Variants in ROBO1 observed in about 807,000 individuals in gnomAD.
ROBO1 encodes the protein roundabout guidance receptor 1, also known as roundabout homolog 1.
Under a neutral mutation model 195.9 loss-of-function variants are expected in ROBO1, and 149 were observed. The ratio of observed to expected loss-of-function variants is 0.76; its 90% CI spans 0.67 to 0.87. The LOEUF (loss-of-function observed/expected upper bound fraction) is 0.87, where lower values mean the gene tolerates loss of function less well. Among genes scored for constraint, ROBO1 ranks in the 40% least tolerant of loss-of-function variants. The pLI is 0.00. For missense variants in ROBO1, 1,933 were observed against 2,068.3 expected (o/e 0.93, Z 1.27); for synonymous variants, 816 against 733.2 (o/e 1.11, Z -1.82).
intron 4 of ROBO1, among the ~76,000 whole-genome samples, chr3:78,755,548 T>C (rs2082908418): frequency 6.6e-6 from 1 of 152,126 alleles, no homozygotes; most frequent in Admixed American, 6.5e-5. Context: ...GGTAAAATGG[T>C]GATGGTTTTA....
intron 2 of ROBO1, among the ~76,000 whole-genome samples, chr3:79,520,095 G>T (rs530436874): frequency 4.0e-5 from 6 of 151,622 alleles, no homozygotes; most frequent in Non-Finnish European, 7.4e-5. Flanking sequence ...CCAGGGGGTC[G>T]AGGCTGCAGT....
chr3:79,651,837 T>C (rs1277428200), intron 1 of ROBO1, among the ~76,000 whole-genome samples: 1 of 152,188 alleles, frequency 6.6e-6, no homozygotes, highest in Non-Finnish European at 1.5e-5. Context: ...TCAAAGAAGA[T>C]CACTGAAAAG....
At chr3:79,372,890 T>A in intron 2 of ROBO1, among the ~76,000 whole-genome samples, 1 of 132,868 alleles carries the variant, frequency 7.5e-6, no homozygotes, top group Admixed American at 7.2e-5. Flanking sequence ...AAACTAGTAT[T>A]TTTTTTTTTA....
intron 1 of ROBO1, among the ~76,000 whole-genome samples, chr3:79,686,103 C>G (rs1437516269): frequency 6.6e-6 from 1 of 152,146 alleles, no homozygotes; most frequent in Non-Finnish European, 1.5e-5. Flanking sequence ...AGCATATAAA[C>G]AGAACCAAGG....
chr3:79,372,427 T>G (rs1292441096), intron 2 of ROBO1, among the ~76,000 whole-genome samples: 1 of 152,022 alleles, frequency 6.6e-6, no homozygotes, highest in Non-Finnish European at 1.5e-5. Flanking sequence ...ACCAGGATAG[T>G]CTCAATCTCT....
At chr3:79,156,816 C>T (rs1481183053) in intron 2 of ROBO1, among the ~76,000 whole-genome samples, 1 of 151,742 alleles carries the variant, frequency 6.6e-6, no homozygotes, top group Non-Finnish European at 1.5e-5. Flanking sequence ...GGAAAGTAAA[C>T]TATTGAGGTT....
In ROBO1 at chr3:78,906,817, CGTAA is replaced by C. The variant is rs202179751; in HGVS notation, c.499+31780_499+31783del. ...TAAAAATAACTCCATTACATGTTAA[CGTAA>C]GTAACACTTCCATGAAAAATAACTG... On this transcript the variant is annotated intron_variant, in intron 4 of 30. Transcript: ENST00000464233. Among the ~76,000 whole-genome samples the C allele has an allele frequency of 1.4e-4, 21 of 152,012 alleles. No individual in the cohort carries two copies. The East Asian group carries it at 1.7e-3, about 13-fold the overall frequency.
chr3:78,675,557 G>C (rs1001924362), intron 10 of ROBO1, among the ~76,000 whole-genome samples: 3 of 152,134 alleles, frequency 2.0e-5, no homozygotes, highest in Non-Finnish European at 4.4e-5. Flanking sequence ...ACGGAGTCTC[G>C]CTAATTGTTA....
chr3:79,315,965 A>G (rs1365658254), intron 2 of ROBO1, among the ~76,000 whole-genome samples: 2 of 152,194 alleles, frequency 1.3e-5, no homozygotes, highest in Non-Finnish European at 2.9e-5. Flanking sequence ...GGAGAAAACC[A>G]GAGTCAAGTG....
At chr3:79,611,564 T>C (rs1035957337) in intron 1 of ROBO1, among the ~76,000 whole-genome samples, 1 of 151,974 alleles carries the variant, frequency 6.6e-6, no homozygotes, top group African/African-American at 2.4e-5. Context: ...GCCATAAAAA[T>C]GGATGAGTTC....
chr3:78,660,052 C>G, intron 16 of ROBO1: 1 of 266,268 alleles, frequency 3.8e-6, no homozygotes, highest in Non-Finnish European at 7.0e-6. Context: ...CCCTGAGTAG[C>G]TGGGATTACA....
At chr3:79,406,023 C>T (rs1213212522) in intron 2 of ROBO1, among the ~76,000 whole-genome samples, 1 of 152,014 alleles carries the variant, frequency 6.6e-6, no homozygotes, top group African/African-American at 2.4e-5. Context: ...ATTTTTTCAT[C>T]TTTAAAAATT....
chr3:79,209,664 G>A (rs1011928416), intron 2 of ROBO1, among the ~76,000 whole-genome samples: 3 of 151,804 alleles, frequency 2.0e-5, no homozygotes, highest in Non-Finnish European at 4.4e-5. Flanking sequence ...TGCCAACATT[G>A]TTTTATTTTT....
chr3:78,948,188 C>T (rs948488831), intron 3 of ROBO1, among the ~76,000 whole-genome samples: 1 of 152,178 alleles, frequency 6.6e-6, no homozygotes, highest in Non-Finnish European at 1.5e-5. Context: ...CCAGCATCAT[C>T]CTGATACCAA....
At chr3:79,391,378 A>G (rs2036943613) in intron 2 of ROBO1, among the ~76,000 whole-genome samples, 4 of 152,144 alleles carry the variant, frequency 2.6e-5, no homozygotes, top group Admixed American at 2.6e-4. Flanking sequence ...CTCTATACAC[A>G]TTATTTTTAC....
chr3:79,445,943 C>T (rs1447363905), intron 2 of ROBO1, among the ~76,000 whole-genome samples: 2 of 151,940 alleles, frequency 1.3e-5, no homozygotes, highest in African/African-American at 4.8e-5. Context: ...TGAGCCACCG[C>T]GCCCGGCCAG....
At chr3:78,726,982 A>G (rs187741888) in intron 5 of ROBO1, among the ~76,000 whole-genome samples, 1 of 152,312 alleles carries the variant, frequency 6.6e-6, no homozygotes, top group African/African-American at 2.4e-5. Flanking sequence ...AATACCCATT[A>G]CTTTCCAATC....
At chr3:79,349,019 T>C (rs1051747603) in intron 2 of ROBO1, among the ~76,000 whole-genome samples, 1 of 152,206 alleles carries the variant, frequency 6.6e-6, no homozygotes, top group Non-Finnish European at 1.5e-5. Flanking sequence ...TGTCCAACAA[T>C]CTAGTTAAAT....
At chr3:79,543,447 T>G (rs1942151277) in intron 2 of ROBO1, among the ~76,000 whole-genome samples, 1 of 151,884 alleles carries the variant, frequency 6.6e-6, no homozygotes, top group African/African-American at 2.4e-5. Context: ...CCTGGGAGAA[T>G]AAAATTGGTA....
Sources: allele counts gnomAD v4.1 joint callset (sites outside exome capture counted in the v4.1 genomes callset), GRCh38; gene constraint gnomAD v4.1.1; transcripts MANE v1.5; gene names NCBI Gene and HGNC (gene_info 2026-07-23, HGNC 2026-07-21).